Variants in ROS1 observed in about 807,000 individuals in gnomAD.
The protein encoded by ROS1 is ROS proto-oncogene 1, receptor tyrosine kinase, also known as proto-oncogene tyrosine-protein kinase ROS.
Under a neutral mutation model 273.5 loss-of-function variants are expected in ROS1, and 263 were observed. The ratio of observed to expected loss-of-function variants is 0.96; its 90% CI spans 0.87 to 1.06. The LOEUF (loss-of-function observed/expected upper bound fraction) is 1.06, where lower values mean the gene tolerates loss of function less well. ROS1 is among the 50% of genes least tolerant of loss of function. ROS1 has a pLI of 0.00. For synonymous variants in ROS1, 1,008 were observed against 954.1 expected (o/e 1.06, Z -1.04); for missense variants, 2,833 against 2,751.1 (o/e 1.03, Z -0.67).
At chr6:117,374,464 C>T (rs965308902) in intron 18 of ROS1, among the ~76,000 whole-genome samples, 1 of 152,152 alleles carries the variant, frequency 6.6e-6, no homozygotes, top group Non-Finnish European at 1.5e-5. Flanking sequence ...TTGCCTTATA[C>T]AAAAATCAAC....
In ROS1 at chr6:117,337,283, C is replaced by T. The variant is rs1233603510; in HGVS notation, c.5119G>A (p.Val1707Ile). 6 of 1,612,628 alleles carry T rather than the reference C, an allele frequency of 3.7e-6. No homozygotes were observed. The highest frequency in any genetic ancestry group is 4.2e-6 in the Non-Finnish European group (5 of 1,179,056). Residue 1707 changes from valine (V) to isoleucine (I), a missense_variant, in exon 32 of 44, where the codon GTC becomes ATC. By Grantham distance (29) the Val-to-Ile change is conservative. Coordinates refer to ENST00000368507, the MANE Select transcript of ROS1 (RefSeq NM_001378902.1). ...KTSCSQGPAY[V>I]CNITNLQPYT... ...GGTTGTAGATTTGTGATATTACAGA[C>T]ATAAGCAGGACCTTGGCTGCATGAA...
At chr6:117,290,056 T>C (rs1773725407) in intron 43 of ROS1, among the ~76,000 whole-genome samples, 1 of 152,196 alleles carries the variant, frequency 6.6e-6, no homozygotes, top group African/African-American at 2.4e-5. Flanking sequence ...AAGGAAAGTT[T>C]AGAATTTCAA....
At chr6:117,330,134 G>C (rs1229469975) in intron 32 of ROS1, among the ~76,000 whole-genome samples, 1 of 152,196 alleles carries the variant, frequency 6.6e-6, no homozygotes, top group East Asian at 1.9e-4. Context: ...TTTCCCCTGC[G>C]GGAGCCAGCG....
rs143730858 is a variant in ROS1 at position 117,419,581 on chromosome 6, G to T, written c.124-1075C>A. On this transcript the variant is annotated intron_variant, in intron 1 of 43. Transcript: ENST00000368507. ...TCTGTTAGATGAATTTTGCAACCGA[G>T]TGCTTAATAGTACTGTGTTTTCATG... Among the ~76,000 whole-genome samples the T allele has an allele frequency of 2.5e-3, 385 of 152,304 alleles. 7 individuals carry two copies. The highest frequency in any genetic ancestry group is 0.017 in the East Asian group (90 of 5,190).
rs1417876029 is a variant in ROS1 at position 117,342,417 on chromosome 6, C to T, written c.4634G>A (p.Gly1545Glu). 5 of 1,611,890 alleles carry T rather than the reference C, an allele frequency of 3.1e-6. No individual in the cohort carries two copies. Among genetic ancestry groups the T allele is most frequent in the Middle Eastern group, 1.6e-4 (1 of 6,076 alleles). Residue 1545 changes from glycine to glutamate, a missense_variant, in exon 29 of 44, where the codon GGA becomes GAA. Physicochemically the swap from Gly to Glu is moderately conservative, Grantham distance 98 (BLOSUM62 -2). Coordinates refer to ENST00000368507, the MANE Select transcript of ROS1 (RefSeq NM_001378902.1). ...EHLPPGKEIWGKTKNGVPEAV... is the reference protein window; with the variant it reads ...EHLPPGKEIWEKTKNGVPEAV... ...TAACTTACCTCCATTTTTAGTTTTT[C>T]CCCAAATCTCTTTTCCTGGTGGTAA... is the stretch of plus-strand genomic sequence containing the variant.
At chr6:117,357,296 C>T (rs1419654748) in intron 25 of ROS1, among the ~76,000 whole-genome samples, 1 of 152,192 alleles carries the variant, frequency 6.6e-6, no homozygotes, top group Non-Finnish European at 1.5e-5. Flanking sequence ...GATCTAGTTT[C>T]CAAATAGCCT....
intron 39 of ROS1, among the ~76,000 whole-genome samples, chr6:117,314,636 A>G (rs1429815905): frequency 1.3e-5 from 2 of 152,192 alleles, no homozygotes; most frequent in African/African-American, 4.8e-5. Flanking sequence ...GAGGCACTGT[A>G]CTGAAATGCA....
rs901705000 is a variant in ROS1 at position 117,326,511 on chromosome 6, T to C, written c.5349-97A>G. The C allele has an allele frequency of 4.2e-6, 3 of 718,016 alleles. No homozygotes were observed. In the East Asian group the frequency reaches 9.3e-5, roughly 22 times the overall value. The allele number at this position is 718,016 out of a possible 1,614,324, so 44.5% of individuals were successfully genotyped here. On this transcript the variant is annotated intron_variant, in intron 33 of 43. Transcript: ENST00000368507. ...CTTAGTGACTGAACGCCAGAGAGTG[T>C]CCTTTGGCACAATTTACCCTTGACC...
At chr6:117,387,151 A>C (rs1249349432) in intron 14 of ROS1, 152 bp from the exon 15 acceptor site, 1 of 492,668 alleles carries the variant, frequency 2.0e-6, no homozygotes, top group Non-Finnish European at 3.6e-6. Context: ...AAAGGATATG[A>C]GTAATTGTTA....
chr6:117,401,181 T>A (rs9398457), intron 7 of ROS1, among the ~76,000 whole-genome samples: 21,044 of 152,132 alleles, frequency 0.14, 1,500 homozygotes, highest in East Asian at 0.23. Flanking sequence ...TCACCATCCT[T>A]GTCAGAGCCA....
chr6:117,362,137 C>T (rs147211512), intron 22 of ROS1, among the ~76,000 whole-genome samples: 4 of 152,150 alleles, frequency 2.6e-5, no homozygotes, highest in South Asian at 2.1e-4. Context: ...AAAAGAATGA[C>T]TTACTCTGAA....
intron 27 of ROS1, among the ~76,000 whole-genome samples, chr6:117,352,299 A>G (rs1671531383): frequency 6.6e-6 from 1 of 152,166 alleles, no homozygotes; most frequent in African/African-American, 2.4e-5. Flanking sequence ...TTAGATTTCA[A>G]CAATGTTTTA....
chr6:117,425,339 A>G (rs1415443121), intron 1 of ROS1, among the ~76,000 whole-genome samples, 195 bp downstream of exon 1: 1 of 152,230 alleles, frequency 6.6e-6, no homozygotes, highest in African/African-American at 2.4e-5. Context: ...CTAAAGAAAT[A>G]AAATAGCCTG....
At chr6:117,365,979 TAA>T in intron 19 of ROS1, 95 bp downstream of exon 19, 1 of 1,129,956 alleles carries the variant, frequency 8.8e-7, no homozygotes. Context: ...TTACTCCTCT[TAA>T]AACTTAATTC....
chr6:117,331,904 T>A (rs1562279907), intron 32 of ROS1, among the ~76,000 whole-genome samples: 1 of 152,012 alleles, frequency 6.6e-6, no homozygotes, highest in Non-Finnish European at 1.5e-5. Context: ...ACTATAAAGA[T>A]CAATGACACT....
intron 29 of ROS1, among the ~76,000 whole-genome samples, chr6:117,341,870 C>T (rs1009025338): frequency 1.2e-4 from 18 of 152,134 alleles, no homozygotes; most frequent in African/African-American, 2.4e-4. Context: ...ATATGGCCAA[C>T]GGGGAATAAC....
Position 117,341,176 on chromosome 6 carries a change from A to G in ROS1, c.5020T>C (p.Leu1674=), listed in dbSNP as rs1725767255. 3.7e-6 allele frequency: 6 copies of G among 1,613,170 alleles called. No individual in the cohort carries two copies. The highest frequency in any genetic ancestry group is 4.2e-6 in the Non-Finnish European group (5 of 1,179,504). The change falls in exon 31 of 44, where the codon TTG becomes CTG. Residue 1674 remains leucine (L), a synonymous_variant. Transcript: ENST00000368507. ...CAAAATCTGATGAGGTTAACATTCAATGGAGCCTTCCAATTAAATTGCAAA... is the reference window on the plus strand; with the variant it reads ...CAAAATCTGATGAGGTTAACATTCAGTGGAGCCTTCCAATTAAATTGCAAA... ...TSLQFNWKAP[L]NVNLIRFWVE... is the part of the protein sequence containing the mutation.
intron 13 of ROS1, 104 bp from the exon 14 acceptor site, chr6:117,388,096 G>A: frequency 6.5e-7 from 1 of 1,546,198 alleles, no homozygotes; most frequent in Non-Finnish European, 8.8e-7. Flanking sequence ...AAATGGGAGA[G>A]CAATTGGGCA....
At position 117,364,436 on chromosome 6, in the gene ROS1, A is replaced by G. The variant is rs192035064; in HGVS notation, c.3103+624T>C. On this transcript the variant is annotated intron_variant, in intron 21 of 43. Transcript: ENST00000368507. ...CACTTAGTAACTATTTTATTTGGGC[A>G]ACTACTAGGCTTTCATTTTCTTTCT... Among the ~76,000 whole-genome samples, 400 of 152,316 alleles carry G rather than the reference A, an allele frequency of 2.6e-3. 2 individuals carry two copies. Among genetic ancestry groups the G allele is most frequent in the African/African-American group, 8.7e-3 (362 of 41,576 alleles).
Sources: allele counts gnomAD v4.1 joint callset (sites outside exome capture counted in the v4.1 genomes callset), GRCh38; gene constraint gnomAD v4.1.1; transcripts MANE v1.5; gene names NCBI Gene and HGNC (gene_info 2026-07-23, HGNC 2026-07-21).